The following MPPED2 variants were observed in gnomAD, a reference collection of about 807,000 sequenced individuals.
The protein encoded by MPPED2 is metallophosphoesterase domain containing 2, also known as metallophosphoesterase MPPED2.
In MPPED2, 5 loss-of-function variants were observed where a neutral mutation model predicts 33.0. The ratio of observed to expected loss-of-function variants is 0.15; its 90% confidence interval spans 0.08 to 0.32. MPPED2 has a LOEUF of 0.32. Among genes scored for constraint, MPPED2 ranks in the 10% least tolerant of loss-of-function variants. MPPED2 has a pLI of 1.00. For synonymous variants in MPPED2, 136 were observed against 141.9 expected, an observed-to-expected ratio of 0.96 and a Z score of 0.29; for missense variants, 275 against 372.1, an observed-to-expected ratio of 0.74 and a Z score of 2.15.
intron 4 of MPPED2, among the ~76,000 whole-genome samples, chr11:30,453,010 G>A (rs762146144): frequency 7.2e-5 from 11 of 152,140 alleles, no homozygotes; most frequent in Non-Finnish European, 1.5e-4. Context: ...AAGTTAGCAG[G>A]CATTTGCTGC....
At chr11:30,459,460 C>T (rs1180397667) in intron 4 of MPPED2, among the ~76,000 whole-genome samples, 1 of 152,082 alleles carries the variant, frequency 6.6e-6, no homozygotes, top group Non-Finnish European at 1.5e-5. Flanking sequence ...AAAATAAAAC[C>T]TAAACTATGG....
intron 4 of MPPED2, among the ~76,000 whole-genome samples, chr11:30,475,369 T>C (rs901720425): frequency 6.6e-6 from 1 of 152,156 alleles, no homozygotes. Flanking sequence ...ATACATACTA[T>C]AATGAAGACA....
At chr11:30,399,475 C>G (rs1947881303) in intron 6 of MPPED2, among the ~76,000 whole-genome samples, 1 of 152,196 alleles carries the variant, frequency 6.6e-6, no homozygotes, top group Non-Finnish European at 1.5e-5. Context: ...TATCAATACT[C>G]TGTCCTCTGG....
chr11:30,459,432 A>AG (rs1242316442), intron 4 of MPPED2, among the ~76,000 whole-genome samples: 2 of 145,740 alleles, frequency 1.4e-5, no homozygotes. Context: ...AAGAAAACCC[A>AG]CAAACATCCC....
chr11:30,486,171 A>G (rs1278155571), intron 4 of MPPED2, among the ~76,000 whole-genome samples: 2 of 152,222 alleles, frequency 1.3e-5, no homozygotes, highest in Non-Finnish European at 2.9e-5. Flanking sequence ...TCTGAGCCAC[A>G]GAGGAGAAAT....
At chr11:30,481,499 C>A (rs558066765) in intron 4 of MPPED2, among the ~76,000 whole-genome samples, 3 of 152,258 alleles carry the variant, frequency 2.0e-5, no homozygotes, top group South Asian at 4.1e-4. Flanking sequence ...GCATCCAAGT[C>A]GACCTGTTTT....
At chr11:30,467,745 T>C (rs1170918903) in intron 4 of MPPED2, among the ~76,000 whole-genome samples, 3 of 152,232 alleles carry the variant, frequency 2.0e-5, no homozygotes, top group Non-Finnish European at 4.4e-5. Flanking sequence ...CTGCATATCA[T>C]AGAATAACAT....
At chr11:30,409,217 C>T (rs535739688), downstream of MPPED2, among the ~76,000 whole-genome samples, 1 of 152,168 alleles carries the variant, frequency 6.6e-6, no homozygotes, top group African/African-American at 2.4e-5. Flanking sequence ...GCTTCTAGTA[C>T]ACTAACCAGG....
At chr11:30,505,456 G>A (rs374444741) in intron 3 of MPPED2, among the ~76,000 whole-genome samples, 6 of 152,266 alleles carry the variant, frequency 3.9e-5, no homozygotes, top group African/African-American at 1.2e-4. Flanking sequence ...AGTGGTAACC[G>A]TCCACCTAAA....
At chr11:30,492,740 C>A (rs1952040267) in intron 4 of MPPED2, among the ~76,000 whole-genome samples, 1 of 152,090 alleles carries the variant, frequency 6.6e-6, no homozygotes, top group Non-Finnish European at 1.5e-5. Context: ...TAAACTGGAT[C>A]TGAGGATTAT....
intron 4 of MPPED2, among the ~76,000 whole-genome samples, chr11:30,477,435 T>A (rs189679459): frequency 4.5e-4 from 69 of 152,210 alleles, no homozygotes; most frequent in Non-Finnish European, 2.9e-4. Context: ...TAATATTGAG[T>A]CTTTTTGAAT....
rs117631747 is a variant in MPPED2 at position 30,540,985 on chromosome 11, G to A, written c.129-4810C>T. 4.7e-3 allele frequency among the ~76,000 whole-genome samples: 709 copies of A among 152,294 alleles called. 2 individuals are homozygous for A. Among genetic ancestry groups the A allele is most frequent in the Non-Finnish European group, 8.1e-3 (553 of 68,028 alleles). On this transcript the variant is annotated intron_variant, in intron 2 of 6. Coordinates refer to ENST00000358117, the MANE Select transcript of MPPED2 (RefSeq NM_001584.3). The stretch of plus-strand genomic sequence containing the variant: ...TGGGGAGAATCCCTCCCTTTGTAGT[G>A]TCAGAATTCATGGTCTGTGTGAATT...
At chr11:30,437,888 T>G (rs1436823686) in intron 4 of MPPED2, among the ~76,000 whole-genome samples, 1 of 152,036 alleles carries the variant, frequency 6.6e-6, no homozygotes, top group African/African-American at 2.4e-5. Context: ...GTCCAACTGA[T>G]AGCAGCCCAG....
intron 4 of MPPED2, among the ~76,000 whole-genome samples, chr11:30,446,743 C>T (rs1446674259): frequency 1.3e-5 from 2 of 152,144 alleles, no homozygotes; most frequent in African/African-American, 2.4e-5. Context: ...GAGCACCCCT[C>T]GGAATCCACA....
intron 4 of MPPED2, among the ~76,000 whole-genome samples, chr11:30,453,313 G>T (rs2133959948): frequency 6.6e-6 from 1 of 152,258 alleles, no homozygotes; most frequent in African/African-American, 2.4e-5. Flanking sequence ...CTGCAGATGT[G>T]GATGGGTTGC....
chr11:30,415,940 A>C (rs976141221), intron 5 of MPPED2, among the ~76,000 whole-genome samples: 1 of 152,258 alleles, frequency 6.6e-6, no homozygotes, highest in Non-Finnish European at 1.5e-5. Context: ...CCTGCACCCA[A>C]TTAGGCTGCT....
At chr11:30,545,644 A>G (rs2134575768) in intron 2 of MPPED2, among the ~76,000 whole-genome samples, 1 of 152,228 alleles carries the variant, frequency 6.6e-6, no homozygotes, top group Non-Finnish European at 1.5e-5. Flanking sequence ...CCTTACAGCG[A>G]TAGGCTCTTT....
chr11:30,455,689 C>T (rs144464911), intron 4 of MPPED2, among the ~76,000 whole-genome samples: 57 of 152,298 alleles, frequency 3.7e-4, no homozygotes, highest in African/African-American at 1.0e-3. Context: ...GCTTCATCAA[C>T]GGTGTAAATC....
chr11:30,572,678 T>G (rs2134831928), intron 2 of MPPED2, among the ~76,000 whole-genome samples: 1 of 152,286 alleles, frequency 6.6e-6, no homozygotes, highest in East Asian at 1.9e-4. Context: ...AAAATAAATT[T>G]CTACCTTGTT....
Sources: gnomAD v4.1 joint callset for allele counts (sites outside exome capture counted in the v4.1 genomes callset) on GRCh38, gnomAD v4.1.1 for gene constraint, MANE v1.5 for transcripts, NCBI Gene and HGNC (gene_info 2026-07-23, HGNC 2026-07-21) for gene names.